The following ADAMTS12 variants were observed in gnomAD, a reference collection of about 807,000 sequenced individuals.
ADAMTS12 encodes ADAM metallopeptidase with thrombospondin type 1 motif 12.
In ADAMTS12, 118 loss-of-function variants were observed where a neutral mutation model predicts 167.8. That is an observed-to-expected ratio of 0.70 (90% CI 0.61 to 0.82). The LOEUF (loss-of-function observed/expected upper bound fraction) is 0.82, where lower values mean the gene tolerates loss of function less well. Among genes scored for constraint, ADAMTS12 ranks in the 40% least tolerant of loss-of-function variants. ADAMTS12 has a pLI of 0.00. For missense variants in ADAMTS12, 1,916 were observed against 1,998.8 expected (o/e 0.96, Z 0.79); for synonymous variants, 704 against 716.9 (o/e 0.98, Z 0.29).
At chr5:33,636,457 T>C (rs1033076695) in intron 12 of ADAMTS12, among the ~76,000 whole-genome samples, 4 of 152,144 alleles carry the variant, frequency 2.6e-5, no homozygotes, top group Admixed American at 2.0e-4. Context: ...AACCAAATGG[T>C]TTTCCCCTCT....
rs111451934 is a variant in ADAMTS12 at position 33,539,693 on chromosome 5, A to G, written c.4447-4701T>C. ...GTATCCAGAAACATACTGTAAATCA[A>G]TGAATGCACTGAATATTTACAATGA... is the stretch of plus-strand genomic sequence containing the variant. On this transcript the variant is annotated intron_variant, in intron 22 of 23. Transcript: ENST00000504830. Among the ~76,000 whole-genome samples the G allele has an allele frequency of 3.2e-3, 491 of 152,340 alleles. 4 individuals carry two copies. Among genetic ancestry groups the G allele is most frequent in the African/African-American group, 0.011 (467 of 41,580 alleles).
At chr5:33,734,094 A>C (rs1744286278) in intron 3 of ADAMTS12, among the ~76,000 whole-genome samples, 2 of 152,102 alleles carry the variant, frequency 1.3e-5, no homozygotes, top group Admixed American at 1.3e-4. Flanking sequence ...CTGAGCAGAC[A>C]AGGAGGGAGG....
intron 14 of ADAMTS12, among the ~76,000 whole-genome samples, chr5:33,619,914 C>T (rs1233202195): frequency 3.3e-5 from 5 of 152,126 alleles, no homozygotes; most frequent in South Asian, 4.1e-4. Flanking sequence ...AGGATGGTCT[C>T]GATCTCTTGA....
At chr5:33,750,899 A>T (rs1404893036) in intron 3 of ADAMTS12, among the ~76,000 whole-genome samples, 2 of 152,200 alleles carry the variant, frequency 1.3e-5, no homozygotes, top group African/African-American at 2.4e-5. Context: ...ATCATCTGAC[A>T]ATGTGTTGAT....
chr5:33,580,902 C>T (rs1198044490), intron 18 of ADAMTS12, among the ~76,000 whole-genome samples: 1 of 152,174 alleles, frequency 6.6e-6, no homozygotes, highest in Admixed American at 6.5e-5. Context: ...TTATACGTCC[C>T]TCAGTGCACC....
intron 2 of ADAMTS12, among the ~76,000 whole-genome samples, chr5:33,801,846 G>A (rs1329746219): frequency 6.6e-6 from 1 of 152,194 alleles, no homozygotes; most frequent in Non-Finnish European, 1.5e-5. Flanking sequence ...TGTGATCCCA[G>A]TGCCAAATCA....
At chr5:33,529,241 G>A (rs1269133196) in intron 23 of ADAMTS12, among the ~76,000 whole-genome samples, 2 of 152,204 alleles carry the variant, frequency 1.3e-5, no homozygotes, top group African/African-American at 4.8e-5. Context: ...CTCTGGGAAA[G>A]TGTGTCCTTT....
chr5:33,659,074 A>T (rs1054163907), intron 6 of ADAMTS12, among the ~76,000 whole-genome samples: 1 of 152,172 alleles, frequency 6.6e-6, no homozygotes, highest in African/African-American at 2.4e-5. Flanking sequence ...AAATGGCCAC[A>T]ATGTTATGAG....
At chr5:33,585,049 C>T (rs1409948857) in intron 18 of ADAMTS12, among the ~76,000 whole-genome samples, 2 of 131,476 alleles carry the variant, frequency 1.5e-5, no homozygotes, top group African/African-American at 2.5e-5. Context: ...ATCCATCCAT[C>T]CATCCATCCA....
chr5:33,536,800 C>T (rs1744436762), intron 22 of ADAMTS12, among the ~76,000 whole-genome samples: 1 of 152,210 alleles, frequency 6.6e-6, no homozygotes, highest in Admixed American at 6.5e-5. Flanking sequence ...TGTTCTTTTA[C>T]AATTTTGAAT....
At chr5:33,631,852 G>A (rs573432063) in intron 12 of ADAMTS12, among the ~76,000 whole-genome samples, 1 of 152,238 alleles carries the variant, frequency 6.6e-6, no homozygotes, top group Non-Finnish European at 1.5e-5. Flanking sequence ...TTATGGGCAG[G>A]GCTGTTAGTT....
chr5:33,722,813 G>A (rs918768435), intron 3 of ADAMTS12, among the ~76,000 whole-genome samples: 5 of 152,204 alleles, frequency 3.3e-5, no homozygotes, highest in Non-Finnish European at 7.3e-5. Flanking sequence ...ATGACCCAAA[G>A]TCAGGAAGGT....
At position 33,525,175 on chromosome 5, in the gene ADAMTS12, C is replaced by G. The variant is rs1020979206; in HGVS notation, c.*2013G>C. 3.3e-5 allele frequency: 5 copies of G among 152,234 alleles called. No homozygotes were observed. Among genetic ancestry groups the G allele is most frequent in the African/African-American group, 1.2e-4 (5 of 41,460 alleles). 9.4% of individuals were successfully genotyped at this position (152,234 alleles called of 1,614,324 possible). A position where few individuals can be genotyped will look rare whatever the true frequency, so the allele number is the denominator to read the frequency against. ...CTGCCTCATTAGTAAATATCAGATT[C>G]TCCTCCACTCATGTCACTAACAATT... On this transcript the variant is annotated 3_prime_UTR_variant, in exon 24 of 24. Coordinates refer to ENST00000504830, the MANE Select transcript of ADAMTS12 (RefSeq NM_030955.4).
At chr5:33,881,065 G>A in intron 2 of ADAMTS12, 54 bp downstream of exon 2, 1 of 1,580,126 alleles carries the variant, frequency 6.3e-7, no homozygotes, top group Non-Finnish European at 8.6e-7. Context: ...AGGTCTACCA[G>A]CTGAGACTCT....
At chr5:33,659,344 C>T (rs1229294646) in intron 6 of ADAMTS12, among the ~76,000 whole-genome samples, 1 of 152,122 alleles carries the variant, frequency 6.6e-6, no homozygotes, top group African/African-American at 2.4e-5. Context: ...TACTGGAGAG[C>T]GAGATTATAC....
In ADAMTS12 at chr5:33,674,692, G is replaced by T. The variant is rs115693736; in HGVS notation, c.915+8326C>A. On this transcript the variant is annotated intron_variant, in intron 5 of 23. Transcript: ENST00000504830. ...TGCAAATTATGGGACAAGAGGGACA[G>T]GTACAGATGCTCGTGTCCCATTATG... 2.4e-3 allele frequency among the ~76,000 whole-genome samples: 362 copies of T among 152,226 alleles called. 2 individuals are homozygous for T. The highest frequency in any genetic ancestry group is 8.1e-3 in the African/African-American group (338 of 41,546).
intron 3 of ADAMTS12, among the ~76,000 whole-genome samples, chr5:33,697,197 G>T (rs578039805): frequency 2.3e-4 from 35 of 151,972 alleles, no homozygotes; most frequent in Non-Finnish European, 5.0e-4. Context: ...AGAAACTGCC[G>T]GGCTCTCTAG....
intron 12 of ADAMTS12, among the ~76,000 whole-genome samples, chr5:33,632,725 C>T (rs1280986769): frequency 1.3e-5 from 2 of 152,120 alleles, no homozygotes; most frequent in South Asian, 4.2e-4. Flanking sequence ...GGTGCTGAAT[C>T]CAAGGATTAT....
chr5:33,768,704 T>C (rs1745634269), intron 2 of ADAMTS12, among the ~76,000 whole-genome samples: 1 of 152,166 alleles, frequency 6.6e-6, no homozygotes, highest in Admixed American at 6.5e-5. Context: ...GGTTCAAATA[T>C]CCTTAATGGA....
Sources: allele counts gnomAD v4.1 joint callset (sites outside exome capture counted in the v4.1 genomes callset), GRCh38; gene constraint gnomAD v4.1.1; transcripts MANE v1.5; gene names NCBI Gene and HGNC (gene_info 2026-07-23, HGNC 2026-07-21).